Variants in NAV1 observed in about 807,000 individuals in gnomAD.
The protein encoded by NAV1 is pore membrane and/or filament interacting like protein 3.
In NAV1, 18 loss-of-function variants were observed where a neutral mutation model predicts 175.2. That is an observed-to-expected ratio of 0.10 (90% CI 0.07 to 0.15). The LOEUF is 0.15. Among genes scored for constraint, NAV1 ranks in the 10% least tolerant of loss-of-function variants. The pLI is 1.00. For missense variants in NAV1, 1,731 were observed against 2,436.6 expected (o/e 0.71, Z 6.10); for synonymous variants, 897 against 978.7 (o/e 0.92, Z 1.56).
At chr1:201,657,957 C>T (rs1262414084) in intron 1 of NAV1, among the ~76,000 whole-genome samples, 3 of 152,032 alleles carry the variant, frequency 2.0e-5, no homozygotes, top group South Asian at 2.1e-4. Context: ...CACTTGAGCC[C>T]GGGAGGTGGA....
rs147349753 is a variant in NAV1, at chr1:201,808,008, C to T, written c.3704C>T (p.Ser1235Phe). The change falls in exon 18 of 30, where the codon TCC becomes TTC. Residue 1235 changes from serine (S) to phenylalanine (F), a missense_variant. Ser to Phe is a radical substitution (Grantham distance 155). Coordinates refer to ENST00000367296, the Ensembl canonical transcript of NAV1. The surrounding 1 kb of genome is among the most constrained non-coding windows in gnomAD (Gnocchi z 5.5). ...ATAAAAAAGGGGCCCAAGTCAGCTTCCTCATACTCGGATATAGAGGAGATT... is the reference window on the plus strand; with the variant it reads ...ATAAAAAAGGGGCCCAAGTCAGCTTTCTCATACTCGGATATAGAGGAGATT... 1.2e-4 allele frequency: 192 copies of T among 1,614,194 alleles called. No homozygotes were observed. The African/African-American group carries it at 2.3e-3, about 19-fold the overall frequency.
At chr1:201,747,628 T>C (rs931642370) in intron 3 of NAV1, among the ~76,000 whole-genome samples, 1 of 152,112 alleles carries the variant, frequency 6.6e-6, no homozygotes, top group Non-Finnish European at 1.5e-5. Flanking sequence ...AGTGCTTGAG[T>C]GGTTAATCAG....
chr1:201,588,739 G>A (rs776317160), intron 2 of NAV1, among the ~76,000 whole-genome samples, 90 bp downstream of exon 2: 111 of 152,192 alleles, frequency 7.3e-4, no homozygotes, highest in Middle Eastern at 3.4e-3. Flanking sequence ...ACAACTATTA[G>A]TTATGGGTTT....
rs933938324 is a variant in NAV1, at chr1:201,782,582, A to G, written c.2070A>G (p.Gly690=). 1 of 1,612,444 alleles carries G rather than the reference A, an allele frequency of 6.2e-7. No homozygotes were observed. Among genetic ancestry groups the G allele is most frequent in the Admixed American group, 1.7e-5 (1 of 59,950 alleles). The change falls in exon 6 of 30, where the codon GGA becomes GGG. Residue 690 remains glycine, a synonymous_variant. Coordinates refer to ENST00000367296, the Ensembl canonical transcript of NAV1. This position sits in a 1 kb window ranked among gnomAD's most constrained non-coding sequence, Gnocchi z 5.4. ...TGAGCGTGACCGGCGGGCGGGGTGG[A>G]CCTCGCCCTGTGAGCAGCAGCATTG...
chr1:201,780,186 T>C (rs1264823449), intron 3 of NAV1, among the ~76,000 whole-genome samples: 1 of 152,188 alleles, frequency 6.6e-6, no homozygotes, highest in Non-Finnish European at 1.5e-5. Flanking sequence ...GATACAACGT[T>C]TTCTCTTGCC....
At position 201,725,890 on chromosome 1, in the gene NAV1, G is replaced by A. The variant is rs140164708; in HGVS notation, c.1226+7135G>A. On this transcript the variant is annotated intron_variant, in intron 3 of 29. Transcript: ENST00000367296. ...GGAGAATCCCTTGAGCCCAGGAGTT[G>A]AGGTTGCAGTGAGCTATGATCACAC... 5.6e-3 allele frequency among the ~76,000 whole-genome samples: 852 copies of A among 152,348 alleles called. 9 individuals are homozygous for A. The highest frequency in any genetic ancestry group is 0.019 in the African/African-American group (772 of 41,574).
At chr1:201,648,091 C>T (rs1669036552), upstream of NAV1, among the ~76,000 whole-genome samples, 1 of 151,354 alleles carries the variant, frequency 6.6e-6, no homozygotes, top group Admixed American at 6.6e-5. Flanking sequence ...TATCTCTCCC[C>T]CACCTCCCTC....
intron 3 of NAV1, among the ~76,000 whole-genome samples, chr1:201,748,332 G>T (rs1673899215): frequency 6.6e-6 from 1 of 152,146 alleles, no homozygotes; most frequent in South Asian, 2.1e-4. Context: ...ATTTCAAGTT[G>T]TTTCTTTTCT....
chr1:201,650,420 GC>G (rs1669152756), intron 1 of NAV1, among the ~76,000 whole-genome samples: 1 of 152,234 alleles, frequency 6.6e-6, no homozygotes, highest in Non-Finnish European at 1.5e-5. Context: ...GGGGCCTGGT[GC>G]CCAGGCGAGC....
intron 1 of NAV1, among the ~76,000 whole-genome samples, chr1:201,625,665 T>C (rs1668308105): frequency 6.6e-6 from 1 of 152,242 alleles, no homozygotes. Context: ...ATGGCCTTTT[T>C]CCAATTAGTA....
chr1:201,610,515 A>C (rs903224951), intron 2 of NAV1, among the ~76,000 whole-genome samples: 13 of 152,208 alleles, frequency 8.5e-5, no homozygotes, highest in African/African-American at 3.1e-4. Context: ...ATAGGATGAG[A>C]GATTCTGAGG....
intron 7 of NAV1, among the ~76,000 whole-genome samples, chr1:201,784,440 G>A (rs573891026): frequency 1.3e-5 from 2 of 152,140 alleles, no homozygotes; most frequent in South Asian, 2.1e-4. Context: ...TTACAGGCAT[G>A]AGCCACCACA....
intron 1 of NAV1, among the ~76,000 whole-genome samples, chr1:201,663,209 C>T (rs527299095): frequency 4.5e-4 from 69 of 152,332 alleles, no homozygotes; most frequent in African/African-American, 1.6e-3. Flanking sequence ...CCAGAAGTTG[C>T]CTTTGGCAAA....
intron 8 of NAV1, 144 bp downstream of exon 12, chr1:201,785,495 C>A: frequency 1.2e-6 from 1 of 807,116 alleles, no homozygotes; most frequent in Non-Finnish European, 2.0e-6. Flanking sequence ...CATACAAGTA[C>A]CACCTAGTAC....
chr1:201,803,686 A>G, exon 16 of NAV1: 1 of 1,611,776 alleles, frequency 6.2e-7, no homozygotes. Flanking sequence ...AAGGATGCTG[A>G]TGCGAAAAAG....
In NAV1 at chr1:201,813,272, C is replaced by G. The variant is rs774587885; in HGVS notation, c.5340+14C>G. Reference sequence around the variant, plus strand: ...GATGGGATAAAGGTGAGCCCTACCCCCTTCACTCAAACCCTAAGATCAGGC... The same window carrying G: ...GATGGGATAAAGGTGAGCCCTACCCGCTTCACTCAAACCCTAAGATCAGGC... On this transcript the variant is annotated intron_variant, in intron 28 of 29. Coordinates refer to ENST00000367296, the Ensembl canonical transcript of NAV1. The surrounding 1 kb of genome is among the most constrained non-coding windows in gnomAD (Gnocchi z 4.2). 82 of 1,535,260 alleles carry G rather than the reference C, an allele frequency of 5.3e-5. No homozygotes were observed. In the Admixed American group the frequency reaches 8.3e-4, roughly 16 times the overall value.
intron 2 of NAV1, among the ~76,000 whole-genome samples, chr1:201,612,348 G>A (rs952791969): frequency 1.3e-5 from 2 of 152,186 alleles, no homozygotes; most frequent in African/African-American, 4.8e-5. Context: ...CAGCTACTCG[G>A]CAGGCTGAAG....
intron 13 of NAV1, chr1:201,792,502 C>T (rs1677183089): frequency 6.6e-6 from 1 of 152,264 alleles, no homozygotes; most frequent in Admixed American, 6.6e-5. Flanking sequence ...AAAGCCCAGC[C>T]AGAGCAAAAG....
intron 1 of NAV1, among the ~76,000 whole-genome samples, chr1:201,678,691 T>C (rs1670354143): frequency 6.6e-6 from 1 of 152,170 alleles, no homozygotes. Flanking sequence ...CTTTCCAAAG[T>C]CCCAGGCTGC....
Sources: gnomAD v4.1 joint callset for allele counts (sites outside exome capture counted in the v4.1 genomes callset) on GRCh38, gnomAD v4.1.1 for gene constraint, Gnocchi (gnomAD v3.1) non-coding constraint, MANE v1.5 for transcripts, NCBI Gene and HGNC (gene_info 2026-07-23, HGNC 2026-07-21) for gene names.